KCND2: variants seen among roughly 807,000 people sequenced by gnomAD.
KCND2 encodes potassium voltage-gated channel subfamily D member 2, also known as A-type voltage-gated potassium channel KCND2.
KCND2 carries 16 observed loss-of-function variants against 54.4 expected under a neutral mutation model. That is an observed-to-expected ratio of 0.29 (90% CI 0.20 to 0.45). The LOEUF is 0.45. Among genes scored for constraint, KCND2 ranks in the 20% least tolerant of loss-of-function variants. The pLI, the probability that KCND2 is intolerant of heterozygous loss-of-function variation, is 1.00. For missense variants in KCND2, 486 were observed against 824.2 expected (o/e 0.59, Z 5.02); for synonymous variants, 317 against 310.7 (o/e 1.02, Z -0.21).
intron 1 of KCND2, among the ~76,000 whole-genome samples, chr7:120,368,107 C>T (rs1246752242): frequency 6.6e-6 from 1 of 152,086 alleles, no homozygotes; most frequent in Non-Finnish European, 1.5e-5. Flanking sequence ...TTCATTCGAT[C>T]CGAAGCATTT....
At chr7:120,531,979 G>C (rs1426289335) in intron 1 of KCND2, among the ~76,000 whole-genome samples, 1 of 152,018 alleles carries the variant, frequency 6.6e-6, no homozygotes, top group Admixed American at 6.6e-5. Flanking sequence ...CAGTCCTCCA[G>C]ATTCAAATTC....
chr7:120,295,371 CACACACACACACACACACACAG>C (rs1369972829), intron 1 of KCND2, among the ~76,000 whole-genome samples: 46 of 144,418 alleles, frequency 3.2e-4, no homozygotes, highest in Non-Finnish European at 5.6e-4. Flanking sequence ...CACACACACA[CACACACACACACACACACACAG>C]ACACACACAC....
chr7:120,742,382 C>T, intron 3 of KCND2, 128 bp from the exon 4 acceptor site: 2 of 789,252 alleles, frequency 2.5e-6, no homozygotes, highest in Non-Finnish European at 4.5e-6. Context: ...ACATTTGTTC[C>T]TTTCTAGTTA....
intron 1 of KCND2, among the ~76,000 whole-genome samples, chr7:120,281,301 T>C (rs902077901): frequency 1.3e-5 from 2 of 152,090 alleles, no homozygotes; most frequent in Non-Finnish European, 2.9e-5. Context: ...TATATTGTTT[T>C]CTAAGCAGGG....
intron 1 of KCND2, among the ~76,000 whole-genome samples, chr7:120,309,686 T>G (rs907857791): frequency 6.6e-6 from 1 of 151,906 alleles, no homozygotes; most frequent in Non-Finnish European, 1.5e-5. Context: ...TTCTATCTTA[T>G]GGACTTCTAT....
In KCND2 at chr7:120,509,318, C is replaced by T. The variant is rs183545537; in HGVS notation, c.1116-223585C>T. Among the ~76,000 whole-genome samples the T allele has an allele frequency of 1.9e-3, 289 of 152,076 alleles. 3 individuals are homozygous for T. Among genetic ancestry groups the T allele is most frequent in the Non-Finnish European group, 2.1e-3 (142 of 67,950 alleles). On this transcript the variant is annotated intron_variant, in intron 1 of 5. Coordinates refer to ENST00000331113, the MANE Select transcript of KCND2 (RefSeq NM_012281.3). ...TATCACTATTGCTTCATTAATTATA[C>T]AAATGTGCCATAAGAATATAAGATG...
At chr7:120,720,422 G>A (rs1019648265) in intron 1 of KCND2, among the ~76,000 whole-genome samples, 1 of 152,120 alleles carries the variant, frequency 6.6e-6, no homozygotes, top group African/African-American at 2.4e-5. Flanking sequence ...GCAGAGCACG[G>A]CTTTGGGTGA....
chr7:120,694,760 C>A (rs764989972), intron 1 of KCND2, among the ~76,000 whole-genome samples: 17 of 152,108 alleles, frequency 1.1e-4, no homozygotes, highest in Middle Eastern at 3.2e-3. Context: ...TGGGCATACT[C>A]AGAAGTATGA....
In KCND2 at chr7:120,414,769, TTTGA is replaced by T. The variant is rs367830037; in HGVS notation, c.1115+139026_1115+139029del. ...TCATCGGCCTCTCTTCATCCCTTAGTTTGATTGTTGAAATATCCACATTTAATTA... is the reference window on the plus strand; with the variant it reads ...TCATCGGCCTCTCTTCATCCCTTAGTTTGTTGAAATATCCACATTTAATTA... On this transcript the variant is annotated intron_variant, in intron 1 of 5. Transcript: ENST00000331113. 1.4e-3 allele frequency among the ~76,000 whole-genome samples: 219 copies of T among 152,298 alleles called. 1 individual carries two copies. The highest frequency in any genetic ancestry group is 5.2e-3 in the African/African-American group (215 of 41,582).
chr7:120,487,619 C>G (rs765596101), intron 1 of KCND2, among the ~76,000 whole-genome samples: 19 of 152,260 alleles, frequency 1.2e-4, no homozygotes, highest in Middle Eastern at 3.4e-3. Flanking sequence ...TGTCTCCCTA[C>G]CCAGGTGGGA....
At chr7:120,502,473 G>C (rs1473737277) in intron 1 of KCND2, among the ~76,000 whole-genome samples, 1 of 151,974 alleles carries the variant, frequency 6.6e-6, no homozygotes, top group Non-Finnish European at 1.5e-5. Flanking sequence ...AGAGACTGGG[G>C]ACTGTCACCT....
intron 1 of KCND2, among the ~76,000 whole-genome samples, chr7:120,339,863 A>G (rs986501532): frequency 1.3e-5 from 2 of 152,174 alleles, no homozygotes; most frequent in Non-Finnish European, 2.9e-5. Context: ...GTTTAGGGGA[A>G]TATCTAAGCA....
chr7:120,289,500 T>C (rs1319014455), intron 1 of KCND2, among the ~76,000 whole-genome samples: 1 of 152,090 alleles, frequency 6.6e-6, no homozygotes, highest in Non-Finnish European at 1.5e-5. Context: ...TTTTGAAATA[T>C]GAAGTATTTC....
intron 1 of KCND2, among the ~76,000 whole-genome samples, chr7:120,622,094 A>G (rs1303976464): frequency 6.6e-6 from 1 of 151,994 alleles, no homozygotes; most frequent in African/African-American, 2.4e-5. Flanking sequence ...TATACTCTAT[A>G]TATTGTACGT....
intron 1 of KCND2, among the ~76,000 whole-genome samples, chr7:120,407,695 A>G (rs548078384): frequency 6.6e-6 from 1 of 151,358 alleles, no homozygotes; most frequent in African/African-American, 2.4e-5. Flanking sequence ...GTTATTATGT[A>G]GTATAAAAAC....
intron 1 of KCND2, among the ~76,000 whole-genome samples, chr7:120,651,856 G>T (rs1562899056): frequency 1.3e-5 from 2 of 152,010 alleles, no homozygotes; most frequent in South Asian, 4.2e-4. Flanking sequence ...ATTTAAGTTG[G>T]CCTGAAAGGT....
chr7:120,511,402 G>C (rs887458086), intron 1 of KCND2, among the ~76,000 whole-genome samples: 3 of 151,994 alleles, frequency 2.0e-5, no homozygotes, highest in African/African-American at 4.8e-5. Flanking sequence ...ACAGAGACTG[G>C]TTTTGTTTAC....
chr7:120,338,537 C>T (rs1036895293), intron 1 of KCND2, among the ~76,000 whole-genome samples: 1 of 151,854 alleles, frequency 6.6e-6, no homozygotes, highest in Non-Finnish European at 1.5e-5. Context: ...TATTCTACCA[C>T]GTTCTTTTTT....
At chr7:120,732,827 A>G in intron 1 of KCND2, 76 bp from the exon 2 acceptor site, 1 of 1,269,908 alleles carries the variant, frequency 7.9e-7, no homozygotes, top group Non-Finnish European at 1.1e-6. Flanking sequence ...GACTTAAAGG[A>G]AAAAATTCTT....
Sources: allele counts gnomAD v4.1 joint callset (sites outside exome capture counted in the v4.1 genomes callset), GRCh38; gene constraint gnomAD v4.1.1; transcripts MANE v1.5; gene names NCBI Gene and HGNC (gene_info 2026-07-23, HGNC 2026-07-21).